The following GAP43 variants were observed in gnomAD, a reference collection of about 807,000 sequenced individuals.
The protein encoded by GAP43 is neuromodulin.
In GAP43, 6 loss-of-function variants were observed where a neutral mutation model predicts 18.6. That is an observed-to-expected ratio of 0.32 (90% confidence interval 0.18 to 0.64). GAP43 has a LOEUF of 0.64. Among genes scored for constraint, GAP43 ranks in the 30% least tolerant of loss-of-function variants. The probability of loss-of-function intolerance (pLI) is 0.78; values close to 1 mark genes in which losing one functional copy is unlikely to be tolerated. For synonymous variants in GAP43, 115 were observed against 111.4 expected (o/e 1.03, Z -0.20); for missense variants, 292 against 295.5 (o/e 0.99, Z 0.09).
chr3:115,717,333 G>C (rs1415660301), intron 2 of GAP43, among the ~76,000 whole-genome samples: 1 of 141,584 alleles, frequency 7.1e-6, no homozygotes, highest in African/African-American at 2.6e-5. Flanking sequence ...TTTTTTGACA[G>C]AGTTTCACTT....
At chr3:115,675,912 G>A in intron 1 of GAP43, 101 bp from the exon 2 acceptor site, 1 of 1,494,396 alleles carries the variant, frequency 6.7e-7, no homozygotes, top group Non-Finnish European at 8.9e-7. Context: ...AACAGTGCCT[G>A]GCACAAAATA....
intron 1 of GAP43, among the ~76,000 whole-genome samples, chr3:115,646,272 G>C (rs977123460): frequency 2.0e-5 from 3 of 152,030 alleles, no homozygotes; most frequent in Non-Finnish European, 4.4e-5. Context: ...TATGCCAACT[G>C]TTTATATGCA....
chr3:115,721,284 G>T lies in GAP43; in HGVS notation c.*402G>T. The T allele has an allele frequency of 1.3e-5, 2 of 153,250 alleles. 1 individual carries two copies. The highest frequency in any genetic ancestry group is 1.3e-4 in the Admixed American group (2 of 15,282). The allele number at this position is 153,250 out of a possible 1,614,324, so 9.5% of individuals were successfully genotyped here. Reference sequence around the variant, plus strand: ...GTGCAATGTTCCGTTCATCTGAGGAGTCCAAAATATCGAGTGAATTCAAAA... The same window carrying T: ...GTGCAATGTTCCGTTCATCTGAGGATTCCAAAATATCGAGTGAATTCAAAA... On this transcript the variant is annotated 3_prime_UTR_variant, in exon 3 of 3. Transcript: ENST00000305124.
At chr3:115,626,280 A>T (rs1559786634) in intron 1 of GAP43, among the ~76,000 whole-genome samples, 1 of 152,108 alleles carries the variant, frequency 6.6e-6, no homozygotes, top group Non-Finnish European at 1.5e-5. Context: ...GCTCTGCCAC[A>T]CCCATAAAAT....
intron 2 of GAP43, among the ~76,000 whole-genome samples, chr3:115,712,242 TTTAA>T (rs781698684): frequency 3.3e-5 from 5 of 152,230 alleles, no homozygotes; most frequent in Non-Finnish European, 7.3e-5. Flanking sequence ...AGTAGCTGTC[TTTAA>T]TTAATAGTCA....
At chr3:115,645,448 G>A (rs1327054715) in intron 1 of GAP43, among the ~76,000 whole-genome samples, 2 of 151,956 alleles carry the variant, frequency 1.3e-5, no homozygotes, top group African/African-American at 2.4e-5. Context: ...GGATCAGAGT[G>A]GAAGTGCTGA....
At chr3:115,688,036 A>T (rs1324285962) in intron 2 of GAP43, among the ~76,000 whole-genome samples, 1 of 142,726 alleles carries the variant, frequency 7.0e-6, no homozygotes, top group African/African-American at 2.6e-5. Flanking sequence ...TTTATGTTTG[A>T]GATGGAGTCT....
chr3:115,660,459 A>G (rs902512909), intron 1 of GAP43, among the ~76,000 whole-genome samples: 2 of 152,146 alleles, frequency 1.3e-5, no homozygotes, highest in African/African-American at 4.8e-5. Flanking sequence ...CTCCTAGTCA[A>G]CTCCCTTAAT....
intron 1 of GAP43, among the ~76,000 whole-genome samples, chr3:115,633,671 G>C (rs911653128): frequency 1.3e-5 from 2 of 152,126 alleles, no homozygotes; most frequent in South Asian, 4.1e-4. Context: ...GCAAATCTCC[G>C]TACCAGTTTC....
At chr3:115,658,694 CG>C (rs1362444396) in intron 1 of GAP43, 2 of 152,204 alleles carry the variant, frequency 1.3e-5, no homozygotes, top group African/African-American at 2.4e-5. Context: ...CGCAGACCTC[CG>C]GGGAGGCCTC....
intron 1 of GAP43, chr3:115,658,569 A>G (rs1708616136): frequency 1.3e-5 from 2 of 151,964 alleles, no homozygotes; most frequent in Admixed American, 1.3e-4. Flanking sequence ...GCGTGGCCTC[A>G]GCCGCTGAGA....
At chr3:115,664,003 ATTAC>A in intron 1 of GAP43, 2 of 1,163,256 alleles carry the variant, frequency 1.7e-6, no homozygotes, top group Admixed American at 2.4e-5. Flanking sequence ...CTTTGAGCAA[ATTAC>A]TTAATTACTT....
chr3:115,711,694 T>A (rs1421059073), intron 2 of GAP43, among the ~76,000 whole-genome samples: 1 of 152,070 alleles, frequency 6.6e-6, no homozygotes, highest in Non-Finnish European at 1.5e-5. Flanking sequence ...TTCTACCTCT[T>A]CCCTCCAACC....
chr3:115,700,209 A>G (rs1366139606), intron 2 of GAP43, among the ~76,000 whole-genome samples: 4 of 152,160 alleles, frequency 2.6e-5, no homozygotes, highest in Non-Finnish European at 5.9e-5. Flanking sequence ...ACAAAACAAG[A>G]CCACCATAAT....
At chr3:115,703,383 T>C (rs1709321207) in intron 2 of GAP43, among the ~76,000 whole-genome samples, 1 of 152,122 alleles carries the variant, frequency 6.6e-6, no homozygotes, top group Admixed American at 6.6e-5. Flanking sequence ...ATTTGTTCTG[T>C]GTTATTCCAG....
intron 2 of GAP43, 58 bp downstream of exon 2, chr3:115,676,668 GAAGA>G: frequency 4.1e-6 from 6 of 1,466,522 alleles, no homozygotes; most frequent in Non-Finnish European, 5.4e-6. Flanking sequence ...TTGCTATTCG[GAAGA>G]CCAGGCCACC....
At chr3:115,627,406 CCTT>C (rs1436900628) in intron 1 of GAP43, among the ~76,000 whole-genome samples, 1 of 151,364 alleles carries the variant, frequency 6.6e-6, no homozygotes, top group Non-Finnish European at 1.5e-5. Flanking sequence ...ACAGAAACCT[CCTT>C]TGATGTTTCA....
chr3:115,667,195 A>T (rs1708744808), intron 1 of GAP43, among the ~76,000 whole-genome samples: 1 of 152,216 alleles, frequency 6.6e-6, no homozygotes, highest in Non-Finnish European at 1.5e-5. Flanking sequence ...ATTGTAAAAA[A>T]ACAGATAAAG....
At chr3:115,686,168 A>G (rs553617874) in intron 2 of GAP43, among the ~76,000 whole-genome samples, 2 of 152,370 alleles carry the variant, frequency 1.3e-5, no homozygotes, top group South Asian at 2.1e-4. Context: ...AGCATACCCC[A>G]GATCATTATA....
Sources: gnomAD v4.1 joint callset for allele counts (sites outside exome capture counted in the v4.1 genomes callset) on GRCh38, gnomAD v4.1.1 for gene constraint, MANE v1.5 for transcripts, NCBI Gene and HGNC (gene_info 2026-07-23, HGNC 2026-07-21) for gene names.